Variants in ETV7 observed in about 807,000 individuals in gnomAD.
ETV7 encodes the protein transcription factor ETV7.
In ETV7, 43 loss-of-function variants were observed where a neutral mutation model predicts 39.1. The observed-to-expected ratio is 1.10, with a 90% CI of 0.86 to 1.42. The LOEUF is 1.42. Among genes scored for constraint, ETV7 ranks in the 40% most tolerant of loss-of-function variants. ETV7 has a pLI of 0.00. For synonymous variants in ETV7, 196 were observed against 176.6 expected (o/e 1.11, Z -0.87); for missense variants, 432 against 442.3 (o/e 0.98, Z 0.21).
At chr6:36,362,301 C>CA (rs35241955), downstream of ETV7, among the ~76,000 whole-genome samples, 6,099 of 135,062 alleles carry the variant, frequency 0.045, 256 homozygotes, top group East Asian at 0.18. Flanking sequence ...GACTCTGTCT[C>CA]AAAAAAAAAA....
rs574947262 is a variant in ETV7, at chr6:36,371,716, G to A, written c.434-156C>T. 2.0e-4 allele frequency among the ~76,000 whole-genome samples: 30 copies of A among 152,344 alleles called. No homozygotes were observed. The South Asian group carries it at 3.5e-3, about 18-fold the overall frequency. ...TAGAAGGTCAGGGAGGCAGTGGGGG[G>A]CAGTGGGTGAGGGCCAGACAGCCTA... On this transcript the variant is annotated intron_variant, in intron 4 of 7. Transcript: ENST00000340181.
Position 36,368,920 on chromosome 6 carries a change from G to C in ETV7, c.807+9C>G. ...TTATGTTGAGACCATTCTGCTGGCC[G>C]AGGCTCACCTTGTGATTTCCCCAGA... On this transcript the variant is annotated intron_variant, in intron 6 of 7. Transcript: ENST00000340181. 1 of 1,614,094 alleles carries C rather than the reference G, an allele frequency of 6.2e-7. No individual in the cohort carries two copies. Among genetic ancestry groups the C allele is most frequent in the Non-Finnish European group, 8.5e-7 (1 of 1,179,990 alleles).
intron 3 of ETV7, among the ~76,000 whole-genome samples, chr6:36,374,925 C>T (rs770850631): frequency 5.3e-5 from 8 of 152,048 alleles, no homozygotes; most frequent in Admixed American, 1.3e-4. Flanking sequence ...CAAAATTAGC[C>T]GGGCGTGGTG....
intron 2 of ETV7, among the ~76,000 whole-genome samples, chr6:36,378,462 G>A (rs967774620): frequency 5.3e-5 from 8 of 152,108 alleles, no homozygotes; most frequent in African/African-American, 1.9e-4. Flanking sequence ...TAATAAAAAC[G>A]AAACACACAT....
chr6:36,362,684 G>C (rs891861672), downstream of ETV7, among the ~76,000 whole-genome samples: 1 of 152,222 alleles, frequency 6.6e-6, no homozygotes, highest in Non-Finnish European at 1.5e-5. Context: ...TCTCCCTGGG[G>C]AGATGGAGAA....
intron 1 of ETV7, among the ~76,000 whole-genome samples, chr6:36,386,285 G>GTT (rs1468866893): frequency 1.3e-5 from 2 of 152,236 alleles, no homozygotes; most frequent in African/African-American, 4.8e-5. Context: ...CCAAGATCAC[G>GTT]CCACTGCACT....
intron 2 of ETV7, among the ~76,000 whole-genome samples, chr6:36,377,463 A>G (rs1420831642): frequency 6.6e-6 from 1 of 152,170 alleles, no homozygotes; most frequent in East Asian, 1.9e-4. Flanking sequence ...CCTGTATCAA[A>G]AAAATACATA....
chr6:36,356,526 A>G (rs1772347272), intron 7 of ETV7, among the ~76,000 whole-genome samples: 1 of 152,152 alleles, frequency 6.6e-6, no homozygotes, highest in African/African-American at 2.4e-5. Flanking sequence ...GTGTCCCCTC[A>G]TGGCAGAAGA....
At chr6:36,376,082 C>G (rs1276894765) in intron 2 of ETV7, 47 bp from the exon 3 acceptor site, 3 of 1,538,750 alleles carry the variant, frequency 1.9e-6, no homozygotes, top group Non-Finnish European at 2.6e-6. Context: ...CGGGCCTCCT[C>G]AAAGAAGCCC....
chr6:36,363,445 C>T (rs1428512030), downstream of ETV7, among the ~76,000 whole-genome samples: 5 of 152,076 alleles, frequency 3.3e-5, no homozygotes, highest in Non-Finnish European at 7.4e-5. Flanking sequence ...AGTGTTACAG[C>T]TCTTAAAGCA....
chr6:36,378,792 C>G (rs1293458262), intron 2 of ETV7, among the ~76,000 whole-genome samples: 4 of 152,140 alleles, frequency 2.6e-5, no homozygotes, highest in Non-Finnish European at 5.9e-5. Flanking sequence ...CTAGTTCTAA[C>G]AACTAAAAAT....
At chr6:36,369,185 G>C in intron 5 of ETV7, 114 bp from the exon 6 acceptor site, 1 of 1,207,966 alleles carries the variant, frequency 8.3e-7, no homozygotes, top group Non-Finnish European at 1.2e-6. Context: ...GCACCAGCAG[G>C]AAGGTGAAAA....
exon 8 of ETV7, chr6:36,354,532 C>T (rs1772288968): frequency 1.6e-6 from 1 of 619,352 alleles, no homozygotes; most frequent in Non-Finnish European, 2.9e-6. Flanking sequence ...TATCCTTATG[C>T]CATTACCAAT....
chr6:36,355,905 T>C (rs1772323360), intron 7 of ETV7, among the ~76,000 whole-genome samples: 1 of 152,144 alleles, frequency 6.6e-6, no homozygotes, highest in Non-Finnish European at 1.5e-5. Context: ...AAAGGACGTC[T>C]TAAAAACCTC....
chr6:36,362,916 G>C (rs959916174), downstream of ETV7, among the ~76,000 whole-genome samples: 1 of 152,208 alleles, frequency 6.6e-6, no homozygotes, highest in African/African-American at 2.4e-5. Flanking sequence ...AGTGATCTAG[G>C]AATCCATCCT....
chr6:36,371,439 G>A lies in ETV7; in HGVS notation c.555C>T (p.Gly185=). ...GACATAAGTTGAGGGACTCCTCCTT[G>A]CCAGGGGTCCACCTTGCCAGGCCAG... The part of the protein sequence containing the change: ...DDPGLARWTP[G]KEESLNLCHC... The change falls in exon 5 of 8, where the codon GGC becomes GGT. Residue 185 remains glycine (G), a synonymous_variant. Transcript: ENST00000340181. The A allele has an allele frequency of 6.2e-7, 1 of 1,600,866 alleles. No individual in the cohort carries two copies. The highest frequency in any genetic ancestry group is 2.2e-5 in the East Asian group (1 of 44,608).
At chr6:36,360,767 C>G (rs919675945) in intron 7 of ETV7, among the ~76,000 whole-genome samples, 1 of 152,172 alleles carries the variant, frequency 6.6e-6, no homozygotes, top group Admixed American at 6.5e-5. Flanking sequence ...CCCTGACCCC[C>G]TCAAGGATCA....
At chr6:36,385,000 G>A (rs1773823543) in intron 2 of ETV7, among the ~76,000 whole-genome samples, 1 of 152,042 alleles carries the variant, frequency 6.6e-6, no homozygotes, top group African/African-American at 2.4e-5. Flanking sequence ...AATAATAATT[G>A]TATATATTTA....
exon 8 of ETV7, chr6:36,354,552 G>A: frequency 1.5e-6 from 1 of 663,768 alleles, no homozygotes; most frequent in Non-Finnish European, 2.7e-6. Context: ...TCTTTGTTGA[G>A]TACTATAGCT....
Sources: gnomAD v4.1 joint callset for allele counts (sites outside exome capture counted in the v4.1 genomes callset) on GRCh38, gnomAD v4.1.1 for gene constraint, MANE v1.5 for transcripts, NCBI Gene and HGNC (gene_info 2026-07-23, HGNC 2026-07-21) for gene names.